RELCH: variants seen among roughly 807,000 people sequenced by gnomAD.
The protein encoded by RELCH is RAB11-binding protein RELCH.
Under a neutral mutation model 150.3 loss-of-function variants are expected in RELCH, and 41 were observed. The ratio of observed to expected loss-of-function variants is 0.27; its 90% confidence interval spans 0.21 to 0.35. The LOEUF is 0.35. Ranked by LOEUF, RELCH falls within the 10% of genes least tolerant of loss-of-function variation. The probability of loss-of-function intolerance (pLI) is 1.00; values close to 1 mark genes in which losing one functional copy is unlikely to be tolerated. For missense variants in RELCH, 1,092 were observed against 1,467.8 expected (o/e 0.74, Z 4.18); for synonymous variants, 478 against 531.8 (o/e 0.90, Z 1.39).
intron 5 of RELCH, 67 bp downstream of exon 5, chr18:62,221,564 AGTTT>A (rs1355178024): frequency 3.2e-6 from 2 of 625,600 alleles, no homozygotes; most frequent in African/African-American, 4.1e-5. Flanking sequence ...TCTTTTACGT[AGTTT>A]CTTTTTTTTT....
chr18:62,211,058 AG>A (rs1568318867), intron 1 of RELCH, 94 bp from the exon 2 acceptor site: 1 of 607,004 alleles, frequency 1.6e-6, no homozygotes, highest in Non-Finnish European at 2.8e-6. Context: ...TTAGAATTCC[AG>A]GTTTATTAAC....
chr18:62,278,376 T>C (rs1325563313), intron 22 of RELCH, among the ~76,000 whole-genome samples: 1 of 152,192 alleles, frequency 6.6e-6, no homozygotes, highest in Non-Finnish European at 1.5e-5. Context: ...AAGTTCTTTG[T>C]CATTTTATTC....
chr18:62,249,150 TTG>T (rs1187288956), intron 11 of RELCH, among the ~76,000 whole-genome samples: 1 of 152,222 alleles, frequency 6.6e-6, no homozygotes, highest in East Asian at 1.9e-4. Flanking sequence ...ATTTCAGTAC[TTG>T]CTTTTCTGAC....
intron 11 of RELCH, among the ~76,000 whole-genome samples, chr18:62,245,312 A>G (rs565290889): frequency 6.6e-6 from 1 of 152,342 alleles, no homozygotes; most frequent in South Asian, 2.1e-4. Context: ...TTGAAAAGGA[A>G]TTCTATACCT....
chr18:62,188,146 G>A, intron 1 of RELCH, 115 bp downstream of exon 1: 1 of 1,220,424 alleles, frequency 8.2e-7, no homozygotes, highest in Non-Finnish European at 1.1e-6. Context: ...TAAGGAACGA[G>A]AGTATTGGGG....
intron 22 of RELCH, among the ~76,000 whole-genome samples, chr18:62,276,734 TGTTATC>T (rs2044229940): frequency 6.6e-6 from 1 of 152,082 alleles, no homozygotes; most frequent in Non-Finnish European, 1.5e-5. Flanking sequence ...AAAATTCCAT[TGTTATC>T]AGGAAGTTGA....
At chr18:62,195,144 T>C (rs1412850740) in intron 1 of RELCH, among the ~76,000 whole-genome samples, 1 of 152,234 alleles carries the variant, frequency 6.6e-6, no homozygotes, top group Non-Finnish European at 1.5e-5. Context: ...ATAAAATTAC[T>C]TTTAACAGAT....
chr18:62,201,194 C>T (rs929266702), intron 1 of RELCH, among the ~76,000 whole-genome samples: 2 of 151,834 alleles, frequency 1.3e-5, no homozygotes, highest in African/African-American at 2.4e-5. Flanking sequence ...AGGATGGTCT[C>T]GATCTCCTGA....
At chr18:62,201,059 C>T (rs1417490686) in intron 1 of RELCH, among the ~76,000 whole-genome samples, 4 of 149,264 alleles carry the variant, frequency 2.7e-5, no homozygotes, top group South Asian at 2.1e-4. Flanking sequence ...CTGCAACCTC[C>T]GCCTCCCAGG....
intron 2 of RELCH, among the ~76,000 whole-genome samples, chr18:62,212,388 G>A (rs1329111858): frequency 6.6e-6 from 1 of 152,188 alleles, no homozygotes; most frequent in Non-Finnish European, 1.5e-5. Flanking sequence ...CAAAATGGTA[G>A]GTACTTCTGG....
chr18:62,197,649 G>C (rs759712582), intron 1 of RELCH, among the ~76,000 whole-genome samples: 2 of 152,152 alleles, frequency 1.3e-5, no homozygotes, highest in Non-Finnish European at 2.9e-5. Context: ...ATTCCTCATA[G>C]ATTTCTGAGA....
intron 1 of RELCH, among the ~76,000 whole-genome samples, chr18:62,197,881 T>C (rs1230029309): frequency 1.3e-5 from 2 of 152,196 alleles, no homozygotes; most frequent in African/African-American, 2.4e-5. Context: ...TGTGCCAGAC[T>C]ATACCAGCTA....
At chr18:62,285,016 T>TG (rs2044716156) in intron 25 of RELCH, among the ~76,000 whole-genome samples, 1 of 152,198 alleles carries the variant, frequency 6.6e-6, no homozygotes, top group Non-Finnish European at 1.5e-5. Context: ...GTTTGAGGTC[T>TG]GGGCCCATTT....
intron 1 of RELCH, among the ~76,000 whole-genome samples, chr18:62,200,705 C>T (rs754964641): frequency 1.3e-5 from 2 of 151,856 alleles, no homozygotes; most frequent in Admixed American, 1.3e-4. Context: ...CTATACCAAG[C>T]CTTCCAAATA....
In RELCH at chr18:62,267,969, A is replaced by G. The variant is rs190056220; in HGVS notation, c.2681-900A>G. Among the ~76,000 whole-genome samples the G allele has an allele frequency of 3.9e-5, 6 of 152,186 alleles. No individual in the cohort carries two copies. In the East Asian group the frequency reaches 1.2e-3, roughly 29 times the overall value. ...CCAAAAAAGGTACTCTCACCAAGAG[A>G]ATAAACAAACCTCAAATACTAATTA... On this transcript the variant is annotated intron_variant, in intron 19 of 28. Coordinates refer to ENST00000644646, the MANE Select transcript of RELCH (RefSeq NM_001346231.2).
intron 8 of RELCH, 28 bp downstream of exon 8, chr18:62,228,626 G>T (rs1400737492): frequency 6.5e-7 from 1 of 1,526,860 alleles, no homozygotes; most frequent in Non-Finnish European, 8.9e-7. Flanking sequence ...ATTTTGAAAT[G>T]CATCTTTCAG....
chr18:62,274,945 T>C (rs2044112434), intron 21 of RELCH, among the ~76,000 whole-genome samples: 2 of 152,184 alleles, frequency 1.3e-5, no homozygotes, highest in African/African-American at 4.8e-5. Context: ...TGAGACGGAG[T>C]CTCGCTCTGT....
At position 62,307,137 on chromosome 18, in the gene RELCH, T is replaced by C. The variant is rs1413740966; in HGVS notation, c.*1603T>C. 1 of 152,308 alleles carries C rather than the reference T, an allele frequency of 6.6e-6. No individual in the cohort carries two copies. Among genetic ancestry groups the C allele is most frequent in the Admixed American group, 6.5e-5 (1 of 15,294 alleles). The allele number at this position is 152,308 out of a possible 1,614,324, so 9.4% of individuals were successfully genotyped here. A position where few individuals can be genotyped will look rare whatever the true frequency, so the allele number is the denominator to read the frequency against. On this transcript the variant is annotated 3_prime_UTR_variant, in exon 29 of 29. Transcript: ENST00000644646. ...TATGTTTTTGATTTGGTTTGGGCTA[T>C]GCATTTTACTTTCGTTTTGAAACAC...
chr18:62,256,500 C>T (rs775564108), intron 13 of RELCH, among the ~76,000 whole-genome samples: 1 of 151,986 alleles, frequency 6.6e-6, no homozygotes, highest in African/African-American at 2.4e-5. Flanking sequence ...TGTTCCAAGA[C>T]AGATGAGCAT....
Sources: allele counts gnomAD v4.1 joint callset (sites outside exome capture counted in the v4.1 genomes callset), GRCh38; gene constraint gnomAD v4.1.1; transcripts MANE v1.5; gene names NCBI Gene and HGNC (gene_info 2026-07-23, HGNC 2026-07-21).